The following KIAA1217 variants were observed in gnomAD, a reference collection of about 807,000 sequenced individuals.
The protein encoded by KIAA1217 is sickle tail protein homolog.
In KIAA1217, 88 loss-of-function variants were observed where a neutral mutation model predicts 163.9. The observed-to-expected ratio is 0.54, with a 90% CI of 0.45 to 0.64. KIAA1217 has a LOEUF of 0.64. Ranked by LOEUF, KIAA1217 falls within the 30% of genes least tolerant of loss-of-function variation. The probability of loss-of-function intolerance (pLI) is 0.00; values close to 1 mark genes in which losing one functional copy is unlikely to be tolerated. For synonymous variants in KIAA1217, 903 were observed against 923.1 expected (o/e 0.98, Z 0.39); for missense variants, 2,372 against 2,475.0 (o/e 0.96, Z 0.88).
rs1158267619 is a variant in KIAA1217 at position 24,030,044 on chromosome 10, CAGAG to C, written c.-171+22677_-171+22680del. Among the ~76,000 whole-genome samples, 3 of 152,084 alleles carry C rather than the reference CAGAG, an allele frequency of 2.0e-5. No homozygotes were observed. In the East Asian group the frequency reaches 5.8e-4, roughly 29 times the overall value. On this transcript the variant is annotated intron_variant, in intron 2 of 18. Transcript: ENST00000376462. ...ATTGCCCAGGCTACAGAAAGCTAGA[CAGAG>C]AGAGAGTGGGCCATTATCTAACCCT...
intron 2 of KIAA1217, among the ~76,000 whole-genome samples, chr10:24,090,080 C>T (rs551486895): frequency 4.6e-5 from 7 of 151,618 alleles, no homozygotes; most frequent in African/African-American, 1.2e-4. Context: ...TCTCCTCTGC[C>T]GTCTAAAGTG....
At chr10:23,831,378 G>T (rs1279154096) in intron 1 of KIAA1217, among the ~76,000 whole-genome samples, 1 of 151,642 alleles carries the variant, frequency 6.6e-6, no homozygotes, top group Non-Finnish European at 1.5e-5. Context: ...ATTGGCAAAT[G>T]AACCATACAT....
rs74123685 is a variant in KIAA1217, at chr10:24,252,933, G to A, written c.354+33024G>A. Among the ~76,000 whole-genome samples, 430 of 151,852 alleles carry A rather than the reference G, an allele frequency of 2.8e-3. 2 individuals carry two copies. Among genetic ancestry groups the A allele is most frequent in the African/African-American group, 9.9e-3 (410 of 41,414 alleles). On this transcript the variant is annotated intron_variant, in intron 2 of 20. Transcript: ENST00000376454. ...TTTGGGAGGCTGAGGCAGAAAGATCGATTGAGCCCGGGAGTTTGAGACCAG... is the reference window on the plus strand; with the variant it reads ...TTTGGGAGGCTGAGGCAGAAAGATCAATTGAGCCCGGGAGTTTGAGACCAG...
chr10:23,971,216 G>C (rs544235770), intron 1 of KIAA1217, among the ~76,000 whole-genome samples: 2 of 152,152 alleles, frequency 1.3e-5, no homozygotes, highest in African/African-American at 4.8e-5. Flanking sequence ...CTTTTGAGGC[G>C]CTCTTCCCTT....
chr10:24,268,534 G>T (rs2076454699), intron 2 of KIAA1217, among the ~76,000 whole-genome samples: 1 of 148,172 alleles, frequency 6.7e-6, no homozygotes, highest in Admixed American at 6.8e-5. Flanking sequence ...AGTTAGAATG[G>T]CAATCATTAA....
intron 2 of KIAA1217, among the ~76,000 whole-genome samples, chr10:24,049,535 C>A (rs967705947): frequency 1.3e-5 from 2 of 152,080 alleles, no homozygotes; most frequent in African/African-American, 4.8e-5. Context: ...TTAGGTATTT[C>A]TACATTAGGA....
At chr10:24,460,642 A>G (rs535720844) in intron 5 of KIAA1217, among the ~76,000 whole-genome samples, 30 of 152,192 alleles carry the variant, frequency 2.0e-4, no homozygotes, top group Non-Finnish European at 3.5e-4. Flanking sequence ...ACCTTTCATC[A>G]GAAGTCATCC....
chr10:23,776,125 G>A (rs1450013710), intron 1 of KIAA1217, among the ~76,000 whole-genome samples: 1 of 152,094 alleles, frequency 6.6e-6, no homozygotes, highest in African/African-American at 2.4e-5. Flanking sequence ...TCAGTGCCCA[G>A]ATTCTTAAGA....
Position 24,099,598 on chromosome 10 carries a change from A to T in KIAA1217, c.-171+92224A>T, listed in dbSNP as rs570247563. On this transcript the variant is annotated intron_variant, in intron 2 of 18. Coordinates refer to the KIAA1217 transcript ENST00000376462. ...ATATATATATATATTATATATATAT[A>T]TTTTATTATACTTTAAGTTCTAGGG... 2.3e-4 allele frequency among the ~76,000 whole-genome samples: 33 copies of T among 142,142 alleles called. 1 individual carries two copies. The East Asian group carries it at 6.8e-3, about 29-fold the overall frequency. The allele number at this position is 142,142 out of a possible 152,430, so 93.3% of individuals were successfully genotyped here.
chr10:24,375,071 C>G (rs554396143), intron 2 of KIAA1217, among the ~76,000 whole-genome samples: 1 of 152,320 alleles, frequency 6.6e-6, no homozygotes, highest in Admixed American at 6.5e-5. Flanking sequence ...CAGGTGTGAG[C>G]CACTGTACCT....
At chr10:23,829,623 C>T (rs542687885) in intron 1 of KIAA1217, among the ~76,000 whole-genome samples, 33 of 152,276 alleles carry the variant, frequency 2.2e-4, no homozygotes, top group African/African-American at 7.7e-4. Context: ...ACTGGGTAGT[C>T]TAAACATGTT....
At chr10:23,905,006 G>A (rs986285212) in intron 1 of KIAA1217, among the ~76,000 whole-genome samples, 1 of 142,144 alleles carries the variant, frequency 7.0e-6, no homozygotes, top group African/African-American at 2.6e-5. Flanking sequence ...TGCTGAGAGT[G>A]TGTTTGTTTT....
chr10:24,041,065 A>G (rs1848609393), intron 2 of KIAA1217, among the ~76,000 whole-genome samples: 1 of 152,244 alleles, frequency 6.6e-6, no homozygotes, highest in Non-Finnish European at 1.5e-5. Context: ...TGTCTGATAA[A>G]GTGCTAAGTA....
chr10:24,356,291 T>C (rs2049093807), intron 2 of KIAA1217, among the ~76,000 whole-genome samples: 2 of 152,220 alleles, frequency 1.3e-5, no homozygotes, highest in South Asian at 4.1e-4. Context: ...GTTGCCCCAG[T>C]ACAAAGCCTG....
chr10:23,879,738 G>A (rs565361285), intron 1 of KIAA1217, among the ~76,000 whole-genome samples: 268 of 152,000 alleles, frequency 1.8e-3, no homozygotes, highest in African/African-American at 6.2e-3. Context: ...GTAGGAGGTG[G>A]GGGAAAGAAA....
At chr10:24,435,780 C>A (rs16924762) in intron 4 of KIAA1217, among the ~76,000 whole-genome samples, 40,206 of 151,822 alleles carry the variant, frequency 0.26, 5,692 homozygotes, top group African/African-American at 0.38. Flanking sequence ...TAGTTGATAA[C>A]ATAAATGAAA....
intron 1 of KIAA1217, among the ~76,000 whole-genome samples, chr10:23,988,193 A>T (rs1407787289): frequency 6.6e-6 from 1 of 152,228 alleles, no homozygotes; most frequent in Non-Finnish European, 1.5e-5. Flanking sequence ...AGGGCTCCAG[A>T]TTAGTTTCTG....
chr10:23,742,528 A>G (rs1839176893), intron 1 of KIAA1217, among the ~76,000 whole-genome samples: 1 of 152,176 alleles, frequency 6.6e-6, no homozygotes, highest in African/African-American at 2.4e-5. Context: ...GCAGAAGGCA[A>G]AGCAGAAGCA....
At chr10:23,782,831 C>T (rs940398662) in intron 1 of KIAA1217, among the ~76,000 whole-genome samples, 4 of 151,994 alleles carry the variant, frequency 2.6e-5, no homozygotes, top group South Asian at 4.2e-4. Flanking sequence ...TTTAATTACT[C>T]GTTATTATCT....
Sources: gnomAD v4.1 joint callset for allele counts (sites outside exome capture counted in the v4.1 genomes callset) on GRCh38, gnomAD v4.1.1 for gene constraint, MANE v1.5 for transcripts, NCBI Gene and HGNC (gene_info 2026-07-23, HGNC 2026-07-21) for gene names.